The following SPIDR variants were observed in gnomAD, a reference collection of about 807,000 sequenced individuals.
The protein encoded by SPIDR is DNA repair-scaffolding protein.
In SPIDR, 93 loss-of-function variants were observed where a neutral mutation model predicts 104.6. The ratio of observed to expected loss-of-function variants is 0.89; its 90% CI spans 0.75 to 1.06. SPIDR has a LOEUF of 1.06. SPIDR is among the 50% of genes least tolerant of loss of function. SPIDR has a pLI of 0.00. For synonymous variants in SPIDR, 431 were observed against 416.9 expected (o/e 1.03, Z -0.41); for missense variants, 1,154 against 1,111.2 (o/e 1.04, Z -0.55).
chr8:47,522,061 G>A (rs111903902), intron 8 of SPIDR, among the ~76,000 whole-genome samples: 2,734 of 152,010 alleles, frequency 0.018, 84 homozygotes, highest in African/African-American at 0.064. Context: ...CTACTGGGAA[G>A]GCTGAGGCAG....
At chr8:47,600,143 G>C (rs958079016) in intron 10 of SPIDR, among the ~76,000 whole-genome samples, 5 of 152,236 alleles carry the variant, frequency 3.3e-5, no homozygotes, top group South Asian at 2.1e-4. Flanking sequence ...GAAATTAAAA[G>C]TATAGATGCT....
At chr8:47,716,488 G>A (rs756534243) in intron 16 of SPIDR, among the ~76,000 whole-genome samples, 4 of 152,156 alleles carry the variant, frequency 2.6e-5, no homozygotes, top group Non-Finnish European at 5.9e-5. Context: ...CAGTTATGGG[G>A]TGATGGGTCA....
chr8:47,507,453 G>A lies in SPIDR; in HGVS notation c.1097+66911G>A, dbSNP rs369171705. Reference sequence around the variant, plus strand: ...AGGAAGCTGCAAAGCTGTAACAGCCGATTTCAGCTGCTCATATCGTGTTGC... The same window carrying A: ...AGGAAGCTGCAAAGCTGTAACAGCCAATTTCAGCTGCTCATATCGTGTTGC... On this transcript the variant is annotated intron_variant, in intron 8 of 19. Coordinates refer to ENST00000297423, the MANE Select transcript of SPIDR (RefSeq NM_001080394.4). Among the ~76,000 whole-genome samples, 413 of 152,330 alleles carry A rather than the reference G, an allele frequency of 2.7e-3. 4 individuals are homozygous for A. Among genetic ancestry groups the A allele is most frequent in the South Asian group, 0.023 (109 of 4,830 alleles).
intron 3 of SPIDR, among the ~76,000 whole-genome samples, chr8:47,290,178 A>G (rs1441423235): frequency 6.6e-6 from 1 of 152,080 alleles, no homozygotes; most frequent in African/African-American, 2.4e-5. Flanking sequence ...AGTAGCTGGG[A>G]TTACAGGCAC....
intron 8 of SPIDR, among the ~76,000 whole-genome samples, chr8:47,535,205 G>A (rs2086698378): frequency 1.3e-5 from 2 of 152,112 alleles, no homozygotes; most frequent in Non-Finnish European, 1.5e-5. Context: ...AACATTTAGG[G>A]CAGAAATTAT....
chr8:47,486,616 C>T (rs1307959002), intron 8 of SPIDR, among the ~76,000 whole-genome samples: 1 of 152,156 alleles, frequency 6.6e-6, no homozygotes, highest in Non-Finnish European at 1.5e-5. Flanking sequence ...TCGGGTTACC[C>T]ACAAAGGGAA....
At chr8:47,302,481 C>T (rs943910138) in intron 5 of SPIDR, among the ~76,000 whole-genome samples, 70,951 of 151,862 alleles carry the variant, frequency 0.47, 19,979 homozygotes, top group African/African-American at 0.8. Flanking sequence ...TGTTCCGTTG[C>T]TGGTGAGGAG....
chr8:47,554,235 A>T (rs1049579473), intron 8 of SPIDR, among the ~76,000 whole-genome samples: 87 of 152,162 alleles, frequency 5.7e-4, no homozygotes, highest in African/African-American at 2.0e-3. Context: ...CCGTTCTCAG[A>T]TCTCAAACTC....
intron 11 of SPIDR, among the ~76,000 whole-genome samples, chr8:47,680,138 A>G (rs914212934): frequency 2.0e-4 from 31 of 152,218 alleles, no homozygotes; most frequent in African/African-American, 7.5e-4. Context: ...TTTAAGGGAA[A>G]GTGAACATGG....
intron 10 of SPIDR, among the ~76,000 whole-genome samples, chr8:47,650,142 T>C (rs960888069): frequency 6.6e-6 from 1 of 152,074 alleles, no homozygotes; most frequent in East Asian, 1.9e-4. Flanking sequence ...GGCACCCAGA[T>C]TGGAAAAGAG....
chr8:47,567,780 CTTTTTTTTTTTT>C (rs35199139), intron 8 of SPIDR, among the ~76,000 whole-genome samples: 2 of 71,020 alleles, frequency 2.8e-5, no homozygotes, highest in South Asian at 1.0e-3. Flanking sequence ...TTTTCTTTTT[CTTTTTTTTTTTT>C]TTTTTTTTTT....
intron 7 of SPIDR, 98 bp downstream of exon 7, chr8:47,408,059 C>T (rs2062991866): frequency 1.5e-5 from 9 of 610,450 alleles, no homozygotes; most frequent in Non-Finnish European, 2.1e-5. Context: ...TTAATATTTT[C>T]ATGACTTTTT....
At chr8:47,673,649 T>A in intron 10 of SPIDR, 152 bp from the exon 11 acceptor site, 1 of 1,031,212 alleles carries the variant, frequency 9.7e-7, no homozygotes, top group Non-Finnish European at 1.4e-6. Context: ...TTTCTTTTTT[T>A]TTTCCCCCCT....
At chr8:47,507,726 C>G (rs1439106391) in intron 8 of SPIDR, among the ~76,000 whole-genome samples, 2 of 152,204 alleles carry the variant, frequency 1.3e-5, no homozygotes, top group Non-Finnish European at 2.9e-5. Flanking sequence ...TCATGTGGGT[C>G]CCATGGCCAT....
At chr8:47,533,970 A>G (rs576766211) in intron 8 of SPIDR, among the ~76,000 whole-genome samples, 2 of 152,316 alleles carry the variant, frequency 1.3e-5, no homozygotes, top group South Asian at 4.1e-4. Flanking sequence ...AATTGTAATA[A>G]TCCCCACGTG....
chr8:47,346,140 C>A (rs782222070), intron 5 of SPIDR, among the ~76,000 whole-genome samples: 11 of 152,188 alleles, frequency 7.2e-5, no homozygotes, highest in Non-Finnish European at 1.3e-4. Flanking sequence ...TACAGTCCAT[C>A]AATACCTAGT....
At position 47,395,409 on chromosome 8, in the gene SPIDR, A is replaced by T. The variant is rs2061142979; in HGVS notation, c.526-967A>T. Among the ~76,000 whole-genome samples, 4 of 152,190 alleles carry T rather than the reference A, an allele frequency of 2.6e-5. No homozygotes were observed. The South Asian group carries it at 8.3e-4, about 32-fold the overall frequency. On this transcript the variant is annotated intron_variant, in intron 5 of 19. Coordinates refer to ENST00000297423, the MANE Select transcript of SPIDR (RefSeq NM_001080394.4). ...CTCAGAAAAAAAGGCCTTTTGTTTTATGTAGATTTGCTAATGATGTAAATT... is the reference window on the plus strand; with the variant it reads ...CTCAGAAAAAAAGGCCTTTTGTTTTTTGTAGATTTGCTAATGATGTAAATT...
At chr8:47,504,651 C>A (rs911169774) in intron 8 of SPIDR, among the ~76,000 whole-genome samples, 1 of 152,206 alleles carries the variant, frequency 6.6e-6, no homozygotes, top group African/African-American at 2.4e-5. Context: ...AGTCATTCTC[C>A]GTCCAGCTTT....
intron 8 of SPIDR, among the ~76,000 whole-genome samples, chr8:47,574,813 A>G (rs572781238): frequency 2.0e-5 from 3 of 151,990 alleles, no homozygotes; most frequent in East Asian, 1.9e-4. Context: ...AACAGTGTCA[A>G]CTTTTATCAA....
Sources: allele counts gnomAD v4.1 joint callset (sites outside exome capture counted in the v4.1 genomes callset), GRCh38; gene constraint gnomAD v4.1.1; transcripts MANE v1.5; gene names NCBI Gene and HGNC (gene_info 2026-07-23, HGNC 2026-07-21).